Variants in CHN1 observed in about 807,000 individuals in gnomAD.
CHN1 encodes N-chimaerin.
In CHN1, 37 loss-of-function variants were observed where a neutral mutation model predicts 59.5. That is an observed-to-expected ratio of 0.62 (90% CI 0.48 to 0.82). The LOEUF is 0.82. Among genes scored for constraint, CHN1 ranks in the 40% least tolerant of loss-of-function variants. CHN1 has a pLI of 0.00. For missense variants in CHN1, 469 were observed against 571.0 expected, an observed-to-expected ratio of 0.82 and a Z score of 1.82; for synonymous variants, 206 against 200.4, an observed-to-expected ratio of 1.03 and a Z score of -0.24.
intron 7 of CHN1, among the ~76,000 whole-genome samples, chr2:174,839,221 T>C (rs1686203126): frequency 6.6e-6 from 1 of 152,312 alleles, no homozygotes; most frequent in African/African-American, 2.4e-5. Context: ...TTATTCTCAA[T>C]GTATTCTTAT....
chr2:174,847,605 G>A lies in CHN1; in HGVS notation c.550-648C>T, dbSNP rs185727136. 3.5e-4 allele frequency: 466 copies of A among 1,314,360 alleles called. 1 individual carries two copies. The African/African-American group carries it at 6.3e-3, about 18-fold the overall frequency. 81.4% of individuals were successfully genotyped at this position (1,314,360 alleles called of 1,614,324 possible). A position where few individuals can be genotyped will look rare whatever the true frequency, so the allele number is the denominator to read the frequency against. Reference sequence around the variant, plus strand: ...CTATGAAGCCCCTAGCAGGGAAGGTGGGGGGAAGGGAGGGATTTCACAAGG... The same window carrying A: ...CTATGAAGCCCCTAGCAGGGAAGGTAGGGGGAAGGGAGGGATTTCACAAGG... On this transcript the variant is annotated intron_variant, in intron 6 of 12. Coordinates refer to ENST00000409900, the MANE Select transcript of CHN1 (RefSeq NM_001822.7).
In CHN1 at chr2:174,808,897, A is replaced by G. The variant is rs1304804913; in HGVS notation, c.1102+8T>C. 10 of 1,613,632 alleles carry G rather than the reference A, an allele frequency of 6.2e-6. No homozygotes were observed. Among genetic ancestry groups the G allele is most frequent in the Non-Finnish European group, 7.6e-6 (9 of 1,179,680 alleles). ...CAGGTTATTTGAAATACATGCATTC[A>G]TACTTACTGGCAGATTCTATAAACT... On this transcript the variant is annotated splice_region_variant and intron_variant, in intron 11 of 12. Transcript: ENST00000409900.
chr2:174,932,401 C>T lies in CHN1; in HGVS notation c.114+12487G>A, dbSNP rs147392385. On this transcript the variant is annotated intron_variant, in intron 3 of 12. Transcript: ENST00000409900. ...TTAATGGGTCTAGCATTGAAGTTAACGTCTGTTCCCCTAGAGAAAACTGTC... is the reference window on the plus strand; with the variant it reads ...TTAATGGGTCTAGCATTGAAGTTAATGTCTGTTCCCCTAGAGAAAACTGTC... 8.2e-3 allele frequency among the ~76,000 whole-genome samples: 1,250 copies of T among 152,252 alleles called. 20 individuals are homozygous for T. Among genetic ancestry groups the T allele is most frequent in the African/African-American group, 0.029 (1,186 of 41,546 alleles).
chr2:174,826,935 T>G (rs1438809912), intron 7 of CHN1, among the ~76,000 whole-genome samples: 7 of 152,130 alleles, frequency 4.6e-5, no homozygotes, highest in Admixed American at 4.6e-4. Context: ...GAGGCTGGGT[T>G]GTTTTTTTTT....
chr2:174,977,764 A>G (rs1198985602), intron 1 of CHN1, among the ~76,000 whole-genome samples: 1 of 152,192 alleles, frequency 6.6e-6, no homozygotes, highest in African/African-American at 2.4e-5. Context: ...TACATTTCTA[A>G]AGGGACCTGT....
Position 174,880,572 on chromosome 2 carries a change from A to C in CHN1, c.261-2444T>G, listed in dbSNP as rs889931958. Reference sequence around the variant, plus strand: ...AGATTCCAAATCTAAGGTCAAAGAAAGACTCTTTCCTTGAAGTTCACTGCT... The same window carrying C: ...AGATTCCAAATCTAAGGTCAAAGAACGACTCTTTCCTTGAAGTTCACTGCT... On this transcript the variant is annotated intron_variant, in intron 5 of 12. Transcript: ENST00000409900. Among the ~76,000 whole-genome samples, 22 of 152,222 alleles carry C rather than the reference A, an allele frequency of 1.4e-4. No homozygotes were observed. In the South Asian group the frequency reaches 1.7e-3, roughly 11 times the overall value.
chr2:174,901,533 T>C (rs1276176914), intron 5 of CHN1, among the ~76,000 whole-genome samples: 3 of 152,248 alleles, frequency 2.0e-5, no homozygotes, highest in Non-Finnish European at 4.4e-5. Context: ...GTTTTTAGCT[T>C]GGCATTTGTG....
At chr2:174,980,179 A>G (rs1258271317) in intron 1 of CHN1, among the ~76,000 whole-genome samples, 1 of 152,210 alleles carries the variant, frequency 6.6e-6, no homozygotes, top group Admixed American at 6.5e-5. Flanking sequence ...ATACTGACCA[A>G]CACACCCTCT....
chr2:174,895,223 C>T (rs1419166986), intron 5 of CHN1, among the ~76,000 whole-genome samples: 4 of 150,436 alleles, frequency 2.7e-5, no homozygotes, highest in African/African-American at 7.4e-5. Flanking sequence ...TACACACACA[C>T]ACACACACAC....
intron 5 of CHN1, among the ~76,000 whole-genome samples, chr2:174,895,075 G>C (rs1382362804): frequency 6.8e-6 from 1 of 146,918 alleles, no homozygotes. Flanking sequence ...ACACACAAAG[G>C]GTTTAGTACT....
At chr2:174,846,552 G>A in intron 7 of CHN1, 1 of 1,195,136 alleles carries the variant, frequency 8.4e-7, no homozygotes, top group South Asian at 1.8e-5. Context: ...TCCAACAGAG[G>A]TATTCAGACA....
intron 3 of CHN1, among the ~76,000 whole-genome samples, chr2:174,927,499 T>G (rs981135889): frequency 2.0e-5 from 3 of 152,236 alleles, no homozygotes; most frequent in African/African-American, 4.8e-5. Flanking sequence ...CACAGGAAAT[T>G]TGAAAACACT....
rs529132662 is a variant in CHN1, at chr2:174,990,878, G to T, written c.19+14016C>A. Among the ~76,000 whole-genome samples the T allele has an allele frequency of 2.0e-5, 3 of 152,100 alleles. No homozygotes were observed. The East Asian group carries it at 5.8e-4, about 29-fold the overall frequency. Reference sequence around the variant, plus strand: ...ATCCAAATTTGAGATACAAATCTCAGAATAGTAATAAATACCATCCAAAGA... The same window carrying T: ...ATCCAAATTTGAGATACAAATCTCATAATAGTAATAAATACCATCCAAAGA... On this transcript the variant is annotated intron_variant, in intron 1 of 12. Coordinates refer to ENST00000409900, the MANE Select transcript of CHN1 (RefSeq NM_001822.7).
At chr2:174,911,085 G>C (rs77534125) in intron 5 of CHN1, among the ~76,000 whole-genome samples, 2,263 of 152,164 alleles carry the variant, frequency 0.015, 25 homozygotes, top group Non-Finnish European at 0.022. Context: ...CTCAACGAAT[G>C]GGTCTAACAG....
At position 174,833,687 on chromosome 2, in the gene CHN1, T is replaced by A. The variant is rs116006398; in HGVS notation, c.628-9169A>T. Among the ~76,000 whole-genome samples the A allele has an allele frequency of 6.3e-3, 954 of 152,356 alleles. 4 individuals are homozygous for A. Among genetic ancestry groups the A allele is most frequent in the Middle Eastern group, 0.037 (11 of 294 alleles). Reference sequence around the variant, plus strand: ...CATTTGTCCTTTATTCCTTTTTTTATGTTTTATACTCTGAATTAACTGCAT... The same window carrying A: ...CATTTGTCCTTTATTCCTTTTTTTAAGTTTTATACTCTGAATTAACTGCAT... On this transcript the variant is annotated intron_variant, in intron 7 of 12. Coordinates refer to ENST00000409900, the MANE Select transcript of CHN1 (RefSeq NM_001822.7).
chr2:175,000,404 C>T (rs907265630), intron 1 of CHN1, among the ~76,000 whole-genome samples: 1 of 149,976 alleles, frequency 6.7e-6, no homozygotes, highest in African/African-American at 2.5e-5. Context: ...TCTCAAAGTA[C>T]TGAGATTACA....
chr2:174,864,648 A>T lies in CHN1; in HGVS notation c.549+13192T>A, dbSNP rs536697994. Among the ~76,000 whole-genome samples the T allele has an allele frequency of 2.6e-5, 4 of 152,230 alleles. No homozygotes were observed. The East Asian group carries it at 7.7e-4, about 29-fold the overall frequency. On this transcript the variant is annotated intron_variant, in intron 6 of 12. Transcript: ENST00000409900. ...CACTTTGGGAGGCTGAGGCGGGCAGACTGCTTGAGCCCAGAAGTTCGAGAC... is the reference window on the plus strand; with the variant it reads ...CACTTTGGGAGGCTGAGGCGGGCAGTCTGCTTGAGCCCAGAAGTTCGAGAC...
In CHN1 at chr2:174,955,217, ATC is replaced by A. The variant is rs1431110068; in HGVS notation, c.20-3017_20-3016del. ...ATATATATAATTGATATATATATATATCTATATAGATATAGATATATAGAGAT... is the reference window on the plus strand; with the variant it reads ...ATATATATAATTGATATATATATATATATATAGATATAGATATATAGAGAT... On this transcript the variant is annotated intron_variant, in intron 1 of 12. Coordinates refer to ENST00000409900, the MANE Select transcript of CHN1 (RefSeq NM_001822.7). 2.1e-4 allele frequency among the ~76,000 whole-genome samples: 9 copies of A among 42,758 alleles called. No individual in the cohort carries two copies. In the East Asian group the frequency reaches 2.8e-3, roughly 13 times the overall value. The allele number at this position is 42,758 out of a possible 152,430, so 28.1% of individuals were successfully genotyped here.
In CHN1 at chr2:174,824,517, A is replaced by G; in HGVS notation, c.629T>C (p.Val210Ala). 6.3e-7 allele frequency: 1 copy of G among 1,584,610 alleles called. No homozygotes were observed. The highest frequency in any genetic ancestry group is 1.4e-5 in the African/African-American group (1 of 73,854). The part of the protein sequence containing the change: ...PKYEKIHNFK[V>A]HTFRGPHWCE... ...CCAGTGTGGCCCTCTGAATGTATGC[A>G]CCTGAAAAAAAAAAAGAGGGGCAAA... The change falls in exon 8 of 13, where the codon GTG (valine) becomes GCG (alanine). Residue 210 changes from valine to alanine, a missense_variant and splice_region_variant. Physicochemically the swap from Val to Ala is moderately conservative, Grantham distance 64. Coordinates refer to ENST00000409900, the MANE Select transcript of CHN1 (RefSeq NM_001822.7).
Sources: allele counts gnomAD v4.1 joint callset (sites outside exome capture counted in the v4.1 genomes callset), GRCh38; gene constraint gnomAD v4.1.1; transcripts MANE v1.5; gene names NCBI Gene and HGNC (gene_info 2026-07-23, HGNC 2026-07-21).